Variants in GRB14 observed in about 807,000 individuals in gnomAD.
GRB14 encodes growth factor receptor-bound protein 14.
Under a neutral mutation model 69.1 loss-of-function variants are expected in GRB14, and 38 were observed. That is an observed-to-expected ratio of 0.55 (90% CI 0.42 to 0.72). GRB14 has a LOEUF of 0.72. GRB14 is among the 30% of genes least tolerant of loss of function. The pLI, the probability that GRB14 is intolerant of heterozygous loss-of-function variation, is 0.00. For missense variants in GRB14, 666 were observed against 666.1 expected (o/e 1.00, Z 0.00); for synonymous variants, 247 against 241.3 (o/e 1.02, Z -0.22).
At chr2:164,525,132 A>G in intron 4 of GRB14, 54 bp from the exon 5 acceptor site, 2 of 1,155,116 alleles carry the variant, frequency 1.7e-6, no homozygotes, top group Non-Finnish European at 1.3e-6. Context: ...AAAAGATTCA[A>G]TTATGACCAA....
rs1255756548 is a variant in GRB14 at position 164,536,672 on chromosome 2, AC to A, written c.482-9538del. 4.6e-5 allele frequency among the ~76,000 whole-genome samples: 7 copies of A among 152,310 alleles called. No individual in the cohort carries two copies. The Middle Eastern group carries it at 0.01, about 222-fold the overall frequency. On this transcript the variant is annotated intron_variant, in intron 3 of 13. Transcript: ENST00000263915. ...CGTCACCACAACCTTACATTTACCCACATCAGTCTTCAAAGGAAGAATAAAA... is the reference window on the plus strand; with the variant it reads ...CGTCACCACAACCTTACATTTACCCAATCAGTCTTCAAAGGAAGAATAAAA...
chr2:164,614,809 C>T (rs1466141688), intron 2 of GRB14, among the ~76,000 whole-genome samples: 1 of 152,044 alleles, frequency 6.6e-6, no homozygotes, highest in Non-Finnish European at 1.5e-5. Context: ...TAGGACCACA[C>T]ATACAAGTTC....
chr2:164,492,785 T>A lies in GRB14; in HGVS notation c.*251A>T, dbSNP rs1686790397. Reference sequence around the variant, plus strand: ...ATATTTGAAGAAAATATTATAGCAATGTAAAAATCACACAAGAACACACCA... The same window carrying A: ...ATATTTGAAGAAAATATTATAGCAAAGTAAAAATCACACAAGAACACACCA... On this transcript the variant is annotated 3_prime_UTR_variant, in exon 14 of 14. Coordinates refer to ENST00000263915, the MANE Select transcript of GRB14 (RefSeq NM_004490.3). 1 of 327,256 alleles carries A rather than the reference T, an allele frequency of 3.1e-6. No homozygotes were observed. The highest frequency in any genetic ancestry group is 1.1e-4 in the South Asian group (1 of 9,232). The allele number at this position is 327,256 out of a possible 1,614,324, so 20.3% of individuals were successfully genotyped here. A position where few individuals can be genotyped will look rare whatever the true frequency, so the allele number is the denominator to read the frequency against.
chr2:164,581,543 G>A (rs1207142440), intron 2 of GRB14, among the ~76,000 whole-genome samples: 1 of 152,148 alleles, frequency 6.6e-6, no homozygotes, highest in Non-Finnish European at 1.5e-5. Flanking sequence ...GACAAGAAAA[G>A]GAAACGGATC....
At chr2:164,519,343 A>G (rs1687575482) in intron 6 of GRB14, among the ~76,000 whole-genome samples, 1 of 152,168 alleles carries the variant, frequency 6.6e-6, no homozygotes, top group African/African-American at 2.4e-5. Context: ...CAAAATTGGC[A>G]TAGAAGGACA....
At chr2:164,522,602 A>G (rs1687662146) in intron 5 of GRB14, among the ~76,000 whole-genome samples, 1 of 152,160 alleles carries the variant, frequency 6.6e-6, no homozygotes, top group Non-Finnish European at 1.5e-5. Flanking sequence ...AAGTAAGACC[A>G]CAATCCTGAC....
chr2:164,506,129 CAA>C (rs1214561105), intron 8 of GRB14, among the ~76,000 whole-genome samples: 2 of 152,094 alleles, frequency 1.3e-5, no homozygotes, highest in East Asian at 1.9e-4. Context: ...TAGAGCCTTC[CAA>C]AGAGTACCAG....
At chr2:164,534,286 C>T (rs1316202422) in intron 3 of GRB14, among the ~76,000 whole-genome samples, 1 of 152,062 alleles carries the variant, frequency 6.6e-6, no homozygotes, top group East Asian at 1.9e-4. Flanking sequence ...ATATCACCAT[C>T]CCAATTTGCA....
chr2:164,559,004 C>A (rs1378670999), intron 2 of GRB14, among the ~76,000 whole-genome samples: 1 of 152,026 alleles, frequency 6.6e-6, no homozygotes, highest in Non-Finnish European at 1.5e-5. Flanking sequence ...TCTCTGAAAC[C>A]TGGATGTAAC....
At chr2:164,504,978 C>T (rs1055259012) in intron 8 of GRB14, among the ~76,000 whole-genome samples, 8 of 152,154 alleles carry the variant, frequency 5.3e-5, no homozygotes, top group South Asian at 2.1e-4. Context: ...CCAGACAAGA[C>T]GTCTGGGTGG....
intron 9 of GRB14, 110 bp from the exon 10 acceptor site, chr2:164,497,600 C>A: frequency 1.4e-6 from 1 of 721,744 alleles, no homozygotes. Context: ...GTTTTTCTGG[C>A]AGTACATTTC....
At chr2:164,583,426 A>G (rs994116321) in intron 2 of GRB14, among the ~76,000 whole-genome samples, 1 of 152,250 alleles carries the variant, frequency 6.6e-6, no homozygotes, top group Non-Finnish European at 1.5e-5. Flanking sequence ...CAAAGTGAAT[A>G]TTGAGTGGAC....
intron 3 of GRB14, among the ~76,000 whole-genome samples, chr2:164,540,316 A>G (rs1353719525): frequency 2.0e-5 from 3 of 152,196 alleles, no homozygotes; most frequent in African/African-American, 7.2e-5. Context: ...TGCCTCTTTA[A>G]AGTGCATCTC....
chr2:164,542,302 A>G (rs1313534163), intron 3 of GRB14, among the ~76,000 whole-genome samples: 2 of 152,152 alleles, frequency 1.3e-5, no homozygotes, highest in African/African-American at 2.4e-5. Context: ...GATTTAAAAG[A>G]TTAAAACCTA....
At chr2:164,496,798 C>G (rs140099501) in intron 12 of GRB14, among the ~76,000 whole-genome samples, 19 of 152,008 alleles carry the variant, frequency 1.2e-4, no homozygotes, top group African/African-American at 4.3e-4. Flanking sequence ...GTTATTTGTC[C>G]ATTTATATAC....
At chr2:164,589,117 A>G (rs549298229) in intron 2 of GRB14, among the ~76,000 whole-genome samples, 10 of 152,342 alleles carry the variant, frequency 6.6e-5, no homozygotes, top group Admixed American at 2.0e-4. Context: ...TCTTGTAGTC[A>G]ATGTGTACAT....
At chr2:164,515,175 C>A (rs1201451329) in intron 6 of GRB14, among the ~76,000 whole-genome samples, 1 of 152,148 alleles carries the variant, frequency 6.6e-6, no homozygotes, top group Non-Finnish European at 1.5e-5. Flanking sequence ...TCCAGGGCAC[C>A]ATCCACCACC....
At chr2:164,526,898 T>C in intron 4 of GRB14, 116 bp downstream of exon 4, 1 of 543,148 alleles carries the variant, frequency 1.8e-6, no homozygotes, top group South Asian at 3.3e-5. Context: ...AGGACCAGAG[T>C]CTTCATCTAC....
chr2:164,607,218 C>A (rs749180067), intron 2 of GRB14, among the ~76,000 whole-genome samples: 5 of 152,144 alleles, frequency 3.3e-5, no homozygotes, highest in African/African-American at 4.8e-5. Context: ...AATATCAGTA[C>A]GTTTCCAAAT....
Sources: allele counts gnomAD v4.1 joint callset (sites outside exome capture counted in the v4.1 genomes callset), GRCh38; gene constraint gnomAD v4.1.1; transcripts MANE v1.5; gene names NCBI Gene and HGNC (gene_info 2026-07-23, HGNC 2026-07-21).